CIB4: variants seen among roughly 807,000 people sequenced by gnomAD.
CIB4 encodes calcium and integrin binding family member 4.
In CIB4, 25 loss-of-function variants were observed where a neutral mutation model predicts 25.8. The observed-to-expected ratio is 0.97, with a 90% CI of 0.71 to 1.35. The LOEUF (loss-of-function observed/expected upper bound fraction) is 1.35. Among genes scored for constraint, CIB4 ranks in the 40% most tolerant of loss-of-function variants. CIB4 has a pLI of 0.00. For synonymous variants in CIB4, 75 were observed against 81.4 expected, an observed-to-expected ratio of 0.92 and a Z score of 0.42; for missense variants, 235 against 228.2, an observed-to-expected ratio of 1.03 and a Z score of -0.19.
At chr2:26,582,970 G>T (rs1219585568) in intron 5 of CIB4, 57 bp from the exon 6 acceptor site, 7 of 1,228,208 alleles carry the variant, frequency 5.7e-6, no homozygotes, top group Non-Finnish European at 8.4e-6. Context: ...CAGTGAGGTG[G>T]GGCACAGGGT....
intron 3 of CIB4, among the ~76,000 whole-genome samples, chr2:26,618,342 A>G (rs1669134432): frequency 6.6e-6 from 1 of 152,046 alleles, no homozygotes; most frequent in Non-Finnish European, 1.5e-5. Context: ...CTGGAGTGCA[A>G]TGGTGCCATC....
At chr2:26,631,505 GA>G (rs151061778) in intron 2 of CIB4, among the ~76,000 whole-genome samples, 3 of 152,282 alleles carry the variant, frequency 2.0e-5, no homozygotes, top group Non-Finnish European at 4.4e-5. Context: ...GAAGAATTTG[GA>G]GGGTGATTTT....
In CIB4 at chr2:26,601,228, AAAAATAT is replaced by A. The variant is rs1263201321; in HGVS notation, c.187-5918_187-5912del. The stretch of plus-strand genomic sequence containing the variant: ...GAGTGAGACCATGTCAAAAAAAAAA[AAAAATAT>A]ATATATATATATATATATATATATA... On this transcript the variant is annotated intron_variant, in intron 3 of 6. Coordinates refer to ENST00000288861, the MANE Select transcript of CIB4 (RefSeq NM_001029881.3). Among the ~76,000 whole-genome samples the A allele has an allele frequency of 7.7e-3, 616 of 79,562 alleles. 34 individuals carry two copies. Among genetic ancestry groups the A allele is most frequent in the African/African-American group, 0.027 (450 of 16,872 alleles). The allele number at this position is 79,562 out of a possible 152,430, so 52.2% of individuals were successfully genotyped here.
chr2:26,626,439 T>A (rs1335987844), intron 3 of CIB4, among the ~76,000 whole-genome samples: 3 of 149,562 alleles, frequency 2.0e-5, no homozygotes, highest in African/African-American at 2.5e-5. Context: ...CAAATCAACA[T>A]GTATATATCT....
In CIB4 at chr2:26,584,089, A is replaced by G. The variant is rs1258883656; in HGVS notation, c.329-191T>C. ...GCTAAATAACCCGTCGGAAATACCAATGGTAGTAAGTATCGATCGTGTGTG... is the reference window on the plus strand; with the variant it reads ...GCTAAATAACCCGTCGGAAATACCAGTGGTAGTAAGTATCGATCGTGTGTG... On this transcript the variant is annotated intron_variant, in intron 4 of 6. Transcript: ENST00000288861. Among the ~76,000 whole-genome samples, 4 of 152,044 alleles carry G rather than the reference A, an allele frequency of 2.6e-5. 1 individual carries two copies. Among genetic ancestry groups the G allele is most frequent in the African/African-American group, 4.8e-5 (2 of 41,400 alleles).
rs185392627 is a variant in CIB4, at chr2:26,581,484, C to T, written c.528-91G>A. 54 of 1,294,858 alleles carry T rather than the reference C, an allele frequency of 4.2e-5. No homozygotes were observed. In the East Asian group the frequency reaches 1.2e-3, roughly 30 times the overall value. The allele number at this position is 1,294,858 out of a possible 1,614,324, so 80.2% of individuals were successfully genotyped here. The stretch of plus-strand genomic sequence containing the variant: ...TCACAGTAGTCCTGGAGGCTCCCTC[C>T]CCGGCCTGCATCTCGTGTCCCTTTC... On this transcript the variant is annotated intron_variant, in intron 6 of 6. Coordinates refer to ENST00000288861, the MANE Select transcript of CIB4 (RefSeq NM_001029881.3).
chr2:26,615,847 C>G (rs1669082056), intron 3 of CIB4, among the ~76,000 whole-genome samples: 1 of 152,240 alleles, frequency 6.6e-6, no homozygotes, highest in Non-Finnish European at 1.5e-5. Context: ...GGCTGAATGT[C>G]TAAATAAGGA....
intron 4 of CIB4, among the ~76,000 whole-genome samples, chr2:26,593,385 CACACACACATATAT>C (rs1373816727): frequency 0.018 from 2,734 of 151,390 alleles, 88 homozygotes; most frequent in African/African-American, 0.063. Flanking sequence ...CACACATATA[CACACACACATATAT>C]ACACACACAT....
At chr2:26,587,501 A>G (rs1046028557) in intron 4 of CIB4, among the ~76,000 whole-genome samples, 1 of 152,066 alleles carries the variant, frequency 6.6e-6, no homozygotes, top group Admixed American at 6.5e-5. Context: ...CTCATCTGTA[A>G]AACGGGAGTA....
chr2:26,636,333 G>T (rs757396143), intron 2 of CIB4, among the ~76,000 whole-genome samples: 1 of 152,116 alleles, frequency 6.6e-6, no homozygotes, highest in Non-Finnish European at 1.5e-5. Flanking sequence ...TTCCCAGAAT[G>T]AATAATCACT....
At chr2:26,601,231 A>AAAATATATAT (rs1395827334) in intron 3 of CIB4, among the ~76,000 whole-genome samples, 7 of 17,220 alleles carry the variant, frequency 4.1e-4, no homozygotes, top group African/African-American at 1.0e-3. Flanking sequence ...AAAAAAAAAA[A>AAAATATATAT]ATATATATAT....
chr2:26,594,734 T>G (rs1668647426), intron 4 of CIB4, among the ~76,000 whole-genome samples: 1 of 152,088 alleles, frequency 6.6e-6, no homozygotes, highest in African/African-American at 2.4e-5. Flanking sequence ...TCAAAGTGCC[T>G]CAGAGATTAT....
chr2:26,616,165 A>G (rs540775030), intron 3 of CIB4, among the ~76,000 whole-genome samples: 1 of 152,328 alleles, frequency 6.6e-6, no homozygotes, highest in East Asian at 1.9e-4. Context: ...AGTAAGTGAG[A>G]TGATGCATGT....
In CIB4 at chr2:26,613,277, C is replaced by T. The variant is rs1161773439; in HGVS notation, c.186+16133G>A. ...GGGGCCCCAAGGTCACTTTTCCCAT[C>T]CACCTTAGCAGTACCCTTGGGGCCA... On this transcript the variant is annotated intron_variant, in intron 3 of 6. Coordinates refer to ENST00000288861, the MANE Select transcript of CIB4 (RefSeq NM_001029881.3). 2.0e-5 allele frequency among the ~76,000 whole-genome samples: 3 copies of T among 152,134 alleles called. No homozygotes were observed. In the East Asian group the frequency reaches 5.8e-4, roughly 29 times the overall value.
At chr2:26,584,301 G>A (rs565490670) in intron 4 of CIB4, among the ~76,000 whole-genome samples, 1 of 152,066 alleles carries the variant, frequency 6.6e-6, no homozygotes, top group Non-Finnish European at 1.5e-5. Context: ...CCACCCCTGC[G>A]CTTTGCAACT....
chr2:26,607,350 A>G (rs1457992280), intron 3 of CIB4, among the ~76,000 whole-genome samples: 1 of 152,256 alleles, frequency 6.6e-6, no homozygotes, highest in Non-Finnish European at 1.5e-5. Flanking sequence ...CAAAAAAGAT[A>G]ACCAAAAATC....
At position 26,629,447 on chromosome 2, in the gene CIB4, A is replaced by G; in HGVS notation, c.149T>C (p.Leu50Pro). ...PPGKYYKEATLTMDQVSSLPA... is the reference protein window; with the variant it reads ...PPGKYYKEATPTMDQVSSLPA... ...CAGGGAGCTGACCTGGTCCATGGTG[A>G]GCGTTGCCTCCTTGTAGTACTTCCC... Residue 50 changes from leucine to proline, a missense_variant, in exon 3 of 7, where the codon CTC becomes CCC. Physicochemically the swap from Leu to Pro is moderately conservative, Grantham distance 98. Transcript: ENST00000288861. The G allele has an allele frequency of 6.3e-7, 1 of 1,582,732 alleles. No individual in the cohort carries two copies. The highest frequency in any genetic ancestry group is 1.3e-5 in the African/African-American group (1 of 74,640).
At chr2:26,584,829 G>C (rs1396301194) in intron 4 of CIB4, among the ~76,000 whole-genome samples, 3 of 152,080 alleles carry the variant, frequency 2.0e-5, no homozygotes, top group African/African-American at 4.8e-5. Context: ...GTGGCAGTGG[G>C]GGCAGCACCG....
chr2:26,604,892 A>G (rs368472289), intron 3 of CIB4, among the ~76,000 whole-genome samples: 46 of 152,360 alleles, frequency 3.0e-4, no homozygotes, highest in African/African-American at 1.1e-3. Flanking sequence ...CATTAAGGAT[A>G]TGAAAGACTT....
Sources: gnomAD v4.1 joint callset for allele counts (sites outside exome capture counted in the v4.1 genomes callset) on GRCh38, gnomAD v4.1.1 for gene constraint, MANE v1.5 for transcripts, NCBI Gene and HGNC (gene_info 2026-07-23, HGNC 2026-07-21) for gene names.